DOK6: variants seen among roughly 807,000 people sequenced by gnomAD.
DOK6 encodes the protein downstream of tyrosine kinase 6.
A neutral mutation model predicts 44.0 loss-of-function variants in DOK6; 22 were observed. The observed-to-expected ratio is 0.50, with a 90% CI of 0.36 to 0.71. The LOEUF is 0.71. DOK6 is among the 30% of genes least tolerant of loss of function. The pLI, the probability that DOK6 is intolerant of heterozygous loss-of-function variation, is 0.00. For synonymous variants in DOK6, 166 were observed against 145.5 expected (o/e 1.14, Z -1.01); for missense variants, 340 against 416.4 (o/e 0.82, Z 1.60).
chr18:69,745,630 G>A (rs555558388), intron 6 of DOK6, among the ~76,000 whole-genome samples: 1 of 123,804 alleles, frequency 8.1e-6, no homozygotes, highest in Non-Finnish European at 1.9e-5. Context: ...AACACAGTAG[G>A]ATTTCAGAGA....
At chr18:69,406,699 T>C (rs1916212677) in intron 1 of DOK6, among the ~76,000 whole-genome samples, 1 of 152,212 alleles carries the variant, frequency 6.6e-6, no homozygotes, top group Non-Finnish European at 1.5e-5. Context: ...CTTTCTACGA[T>C]CTACATTCCC....
intron 7 of DOK6, among the ~76,000 whole-genome samples, chr18:69,836,513 C>G (rs138029386): frequency 6.6e-6 from 1 of 151,856 alleles, no homozygotes; most frequent in Non-Finnish European, 1.5e-5. Flanking sequence ...AGATTGTCAA[C>G]ATTACCTAGA....
intron 1 of DOK6, among the ~76,000 whole-genome samples, chr18:69,553,664 C>G (rs538780539): frequency 6.6e-6 from 1 of 152,250 alleles, no homozygotes; most frequent in African/African-American, 2.4e-5. Flanking sequence ...GATTTAACAC[C>G]CTTTGCTAGG....
intron 1 of DOK6, among the ~76,000 whole-genome samples, chr18:69,506,255 A>T (rs1981182879): frequency 6.6e-6 from 1 of 152,174 alleles, no homozygotes. Flanking sequence ...TAAAGAAATT[A>T]AGGTATGTTT....
chr18:69,676,739 T>C (rs994062747), intron 3 of DOK6, among the ~76,000 whole-genome samples: 2 of 152,240 alleles, frequency 1.3e-5, no homozygotes, highest in African/African-American at 4.8e-5. Context: ...GCTGGAAGAC[T>C]TGGTTGATTT....
intron 3 of DOK6, among the ~76,000 whole-genome samples, chr18:69,632,243 T>C (rs1984706262): frequency 6.6e-6 from 1 of 152,192 alleles, no homozygotes; most frequent in South Asian, 2.1e-4. Flanking sequence ...CCTTTGACAG[T>C]GGGAAATTGA....
chr18:69,704,213 A>C (rs1986582762), intron 5 of DOK6, among the ~76,000 whole-genome samples: 1 of 152,216 alleles, frequency 6.6e-6, no homozygotes, highest in African/African-American at 2.4e-5. Context: ...CCCACCACCC[A>C]GAAGGTGGCC....
intron 1 of DOK6, among the ~76,000 whole-genome samples, chr18:69,496,296 C>T (rs1980887012): frequency 6.6e-6 from 1 of 152,234 alleles, no homozygotes; most frequent in South Asian, 2.1e-4. Flanking sequence ...ATGCCCGGGT[C>T]CACAGCCATG....
chr18:69,492,765 C>A (rs955466948), intron 1 of DOK6, among the ~76,000 whole-genome samples: 15 of 151,260 alleles, frequency 9.9e-5, no homozygotes, highest in Non-Finnish European at 1.6e-4. Flanking sequence ...TCTATGGCTG[C>A]ATAATATTCC....
chr18:69,490,578 G>A (rs903356771), intron 1 of DOK6, among the ~76,000 whole-genome samples: 7 of 151,592 alleles, frequency 4.6e-5, no homozygotes, highest in Non-Finnish European at 7.4e-5. Context: ...TTTTTATTAC[G>A]TAATACAAAC....
intron 1 of DOK6, among the ~76,000 whole-genome samples, chr18:69,462,420 T>C (rs1460862429): frequency 6.6e-6 from 1 of 152,142 alleles, no homozygotes; most frequent in Non-Finnish European, 1.5e-5. Flanking sequence ...AAACTATTCC[T>C]TGTGCTATGA....
intron 7 of DOK6, among the ~76,000 whole-genome samples, chr18:69,797,165 C>T (rs552588348): frequency 1.3e-5 from 2 of 152,194 alleles, no homozygotes; most frequent in South Asian, 2.1e-4. Flanking sequence ...AATGATAGGG[C>T]TTCTCACCAA....
chr18:69,419,311 G>C (rs1978421113), intron 1 of DOK6, among the ~76,000 whole-genome samples: 1 of 152,088 alleles, frequency 6.6e-6, no homozygotes, highest in South Asian at 2.1e-4. Context: ...GTTTTAACTA[G>C]TCACAACTCC....
At chr18:69,565,509 GTGTGTGTGTGTGTA>G (rs1171507196) in intron 2 of DOK6, among the ~76,000 whole-genome samples, 957 of 57,324 alleles carry the variant, frequency 0.017, 12 homozygotes, top group African/African-American at 0.054. Context: ...GTGTGTGTGT[GTGTGTGTGTGTGTA>G]TATATATATA....
At chr18:69,782,432 C>G (rs1050079590) in intron 7 of DOK6, among the ~76,000 whole-genome samples, 1 of 151,858 alleles carries the variant, frequency 6.6e-6, no homozygotes, top group Admixed American at 6.5e-5. Context: ...AGGATGGTCT[C>G]GATCTCCTGA....
intron 1 of DOK6, among the ~76,000 whole-genome samples, chr18:69,538,263 T>G (rs1220204770): frequency 6.6e-6 from 1 of 152,202 alleles, no homozygotes; most frequent in Non-Finnish European, 1.5e-5. Context: ...TTTTGAATAC[T>G]AGGGAGACCG....
At chr18:69,801,266 A>G (rs1420267518) in intron 7 of DOK6, among the ~76,000 whole-genome samples, 2 of 152,188 alleles carry the variant, frequency 1.3e-5, no homozygotes, top group Admixed American at 1.3e-4. Flanking sequence ...ATTCTAGTCC[A>G]TATGTCTGTA....
At chr18:69,463,641 T>TTGTG (rs5825938) in intron 1 of DOK6, among the ~76,000 whole-genome samples, 120,411 of 151,598 alleles carry the variant, frequency 0.79, 48,078 homozygotes, top group East Asian at 1. Context: ...TTGACCTTTG[T>TTGTG]TGTGTGTGTA....
At chr18:69,476,172 A>T (rs1224086113) in intron 1 of DOK6, among the ~76,000 whole-genome samples, 1 of 152,130 alleles carries the variant, frequency 6.6e-6, no homozygotes, top group Non-Finnish European at 1.5e-5. Context: ...TTTCTGCGTT[A>T]ATTCACTTGC....
Sources: allele counts gnomAD v4.1 joint callset (sites outside exome capture counted in the v4.1 genomes callset), GRCh38; gene constraint gnomAD v4.1.1; transcripts MANE v1.5; gene names NCBI Gene and HGNC (gene_info 2026-07-23, HGNC 2026-07-21).